The following UCP1 variants were observed in gnomAD, a reference collection of about 807,000 sequenced individuals.
The protein encoded by UCP1 is mitochondrial brown fat uncoupling protein 1.
In UCP1, 24 loss-of-function variants were observed where a neutral mutation model predicts 26.2. The observed-to-expected ratio is 0.92, with a 90% CI of 0.66 to 1.29. The LOEUF (loss-of-function observed/expected upper bound fraction) is 1.29, where lower values mean the gene tolerates loss of function less well. Ranked by LOEUF, UCP1 falls within the 50% of genes most tolerant of loss-of-function variation. The pLI is 0.00. For synonymous variants in UCP1, 164 were observed against 156.8 expected (o/e 1.05, Z -0.34); for missense variants, 402 against 388.7 (o/e 1.03, Z -0.29).
chr4:140,562,382 G>C lies in UCP1; in HGVS notation c.629-9C>G. On this transcript the variant is annotated splice_polypyrimidine_tract_variant and intron_variant, in intron 4 of 5. Transcript: ENST00000262999. ...GTGGCAGGGGACGTCATCTAAAATG[G>C]ATCGATGAAACAGGTCAACATCAGA... 1 of 1,613,782 alleles carries C rather than the reference G, an allele frequency of 6.2e-7. No homozygotes were observed. Among genetic ancestry groups the C allele is most frequent in the Non-Finnish European group, 8.5e-7 (1 of 1,179,918 alleles).
Position 140,568,587 on chromosome 4 carries a change from C to G in UCP1, c.126+17G>C. 2 of 1,613,684 alleles carry G rather than the reference C, an allele frequency of 1.2e-6. No individual in the cohort carries two copies. Among genetic ancestry groups the G allele is most frequent in the Non-Finnish European group, 1.7e-6 (2 of 1,179,920 alleles). On this transcript the variant is annotated intron_variant, in intron 1 of 5. Transcript: ENST00000262999. Reference sequence around the variant, plus strand: ...CTCTGTCCTGAGACCCCTTGTCTTACCCCTCTGCCTAGCTACCTGGAGCCG... The same window carrying G: ...CTCTGTCCTGAGACCCCTTGTCTTAGCCCTCTGCCTAGCTACCTGGAGCCG...
In UCP1 at chr4:140,563,530, GAAA is replaced by G; in HGVS notation, c.326-15_326-13del. On this transcript the variant is annotated splice_polypyrimidine_tract_variant and intron_variant, in intron 2 of 5. Transcript: ENST00000262999. ...TAAACTAGGTGCTGCTATCCAGAGA[GAAA>G]AAAAATTATTAAGAAAAAAAATTAA... The G allele has an allele frequency of 6.2e-7, 1 of 1,605,150 alleles. No homozygotes were observed. Among genetic ancestry groups the G allele is most frequent in the Middle Eastern group, 1.7e-4 (1 of 6,016 alleles).
rs891289240 is a variant in UCP1 at position 140,563,593 on chromosome 4, A to G, written c.326-75T>C. On this transcript the variant is annotated intron_variant, in intron 2 of 5. Coordinates refer to ENST00000262999, the MANE Select transcript of UCP1 (RefSeq NM_021833.5). ...ATGCATGCATGTCTTTTTAATTTTC[A>G]GTGGTTCATATTTTTGTATTTTTTT... 4 of 1,365,022 alleles carry G rather than the reference A, an allele frequency of 2.9e-6. No homozygotes were observed. In the African/African-American group the frequency reaches 6.0e-5, roughly 20 times the overall value. The allele number at this position is 1,365,022 out of a possible 1,614,324, so 84.6% of individuals were successfully genotyped here.
At position 140,568,708 on chromosome 4, in the gene UCP1, C is replaced by T; in HGVS notation, c.22G>A (p.Asp8Asn). MGGLTAS[D>N]VHPTLGVQLF... ...TGGACCCCCAGGGTCGGGTGTACGTCCGAGGCTGTCAGGCCCCCCATCTTC... is the reference window on the plus strand; with the variant it reads ...TGGACCCCCAGGGTCGGGTGTACGTTCGAGGCTGTCAGGCCCCCCATCTTC... The change falls in exon 1 of 6, where the codon GAC becomes AAC. Residue 8 changes from aspartate (D) to asparagine (N), a missense_variant. Transcript: ENST00000262999. The T allele has an allele frequency of 3.8e-6, 6 of 1,598,888 alleles. No individual in the cohort carries two copies. The South Asian group carries it at 4.5e-5, about 12-fold the overall frequency.
In UCP1 at chr4:140,559,473, C is replaced by T. The variant is rs892366247; in HGVS notation, c.*423G>A. ...ATACTTTATTGAATATATTAACTGA[C>T]AACTGTGGTTAATAAAAACTAATAT... On this transcript the variant is annotated 3_prime_UTR_variant, in exon 6 of 6. Coordinates refer to ENST00000262999, the MANE Select transcript of UCP1 (RefSeq NM_021833.5). The T allele has an allele frequency of 7.6e-5, 14 of 183,928 alleles. No individual in the cohort carries two copies. The East Asian group carries it at 2.3e-3, about 30-fold the overall frequency. 11.4% of individuals were successfully genotyped at this position (183,928 alleles called of 1,614,324 possible). A position where few individuals can be genotyped will look rare whatever the true frequency, so the allele number is the denominator to read the frequency against.
At chr4:140,561,789 T>G (rs1244330552) in intron 5 of UCP1, among the ~76,000 whole-genome samples, 4 of 152,214 alleles carry the variant, frequency 2.6e-5, no homozygotes, top group African/African-American at 4.8e-5. Context: ...GGTGGTGATG[T>G]CTTATCTCTA....
chr4:140,563,403 G>T lies in UCP1; in HGVS notation c.441C>A (p.Leu147=), dbSNP rs1293474686. Residue 147 remains leucine, a synonymous_variant, in exon 3 of 6, where the codon CTC becomes CTA. Coordinates refer to ENST00000262999, the MANE Select transcript of UCP1 (RefSeq NM_021833.5). ...VKVRLQAQSH[L]HGIKPRYTGT... is the part of the protein sequence containing the mutation. ...CCGTGTAGCGAGGTTTGATTCCGTG[G>T]AGATGGCTCTGTGCTTGAAGTCTGA... The T allele has an allele frequency of 6.2e-7, 1 of 1,614,034 alleles. No individual in the cohort carries two copies. Among genetic ancestry groups the T allele is most frequent in the Non-Finnish European group, 8.5e-7 (1 of 1,179,994 alleles).
At chr4:140,560,536 G>A (rs1387107626) in intron 5 of UCP1, among the ~76,000 whole-genome samples, 1 of 152,094 alleles carries the variant, frequency 6.6e-6, no homozygotes, top group African/African-American at 2.4e-5. Flanking sequence ...ACTATTAGAA[G>A]GGGGAAGGAA....
chr4:140,562,523 A>G, intron 4 of UCP1, 150 bp from the exon 5 acceptor site: 1 of 860,490 alleles, frequency 1.2e-6, no homozygotes, highest in Non-Finnish European at 1.8e-6. Flanking sequence ...GTATTGCACT[A>G]GAAAAAGAAG....
chr4:140,561,073 T>A (rs2110905410), intron 5 of UCP1, among the ~76,000 whole-genome samples: 1 of 152,312 alleles, frequency 6.6e-6, no homozygotes, highest in South Asian at 2.1e-4. Context: ...TTTTTAAATT[T>A]GAAAAAAATA....
Position 140,562,353 on chromosome 4 carries a change from C to G in UCP1, c.649G>C (p.Val217Leu). ...CAAAATCCAGCGATAAGAGCCGACA[C>G]CAAGTGGCAGGGGACGTCATCTAAA... Reference protein sequence around the residue: ...ILADDVPCHLVSALIAGFCAT... With the variant: ...ILADDVPCHLLSALIAGFCAT... Residue 217 changes from valine to leucine, a missense_variant, in exon 5 of 6, where the codon GTG becomes CTG. Physicochemically the swap from Val to Leu is conservative, Grantham distance 32 (BLOSUM62 1). Transcript: ENST00000262999. 6.2e-7 allele frequency: 1 copy of G among 1,614,074 alleles called. No homozygotes were observed. Among genetic ancestry groups the G allele is most frequent in the South Asian group, 1.1e-5 (1 of 91,078 alleles).
intron 5 of UCP1, 92 bp from the exon 6 acceptor site, chr4:140,560,102 G>C: frequency 9.6e-7 from 1 of 1,046,274 alleles, no homozygotes; most frequent in African/African-American, 1.6e-5. Flanking sequence ...GCCCAGGCTG[G>C]AATGCAGTAG....
At chr4:140,565,220 C>G (rs1362416840) in intron 2 of UCP1, among the ~76,000 whole-genome samples, 1 of 152,176 alleles carries the variant, frequency 6.6e-6, no homozygotes, top group African/African-American at 2.4e-5. Flanking sequence ...TCTATACATC[C>G]TCTCTCAATA....
Position 140,568,824 on chromosome 4 carries a change from C to T in UCP1, c.-95G>A. The T allele has an allele frequency of 1.3e-6, 2 of 1,523,112 alleles. No homozygotes were observed. The highest frequency in any genetic ancestry group is 1.8e-6 in the Non-Finnish European group (2 of 1,136,246). The allele number at this position is 1,523,112 out of a possible 1,614,324, so 94.3% of individuals were successfully genotyped here. On this transcript the variant is annotated 5_prime_UTR_variant, in exon 1 of 6. Coordinates refer to ENST00000262999, the MANE Select transcript of UCP1 (RefSeq NM_021833.5). ...TTGCTCTTCACGCCTGTCCGCCGGG[C>T]AGCAAACCCGATTTCTGTTTTTTGA...
intron 5 of UCP1, among the ~76,000 whole-genome samples, 191 bp from the exon 6 acceptor site, chr4:140,560,201 C>T (rs1019369699): frequency 6.6e-6 from 1 of 152,046 alleles, no homozygotes; most frequent in Non-Finnish European, 1.5e-5. Context: ...CTAGAGACTG[C>T]ACCACCACAC....
intron 4 of UCP1, among the ~76,000 whole-genome samples, chr4:140,562,582 CTGTT>C (rs1735702163): frequency 6.6e-6 from 1 of 152,022 alleles, no homozygotes; most frequent in Non-Finnish European, 1.5e-5. Context: ...GGAAAGTAAA[CTGTT>C]AGTTTCCTCT....
In UCP1 at chr4:140,563,513, G is replaced by A; in HGVS notation, c.331C>T (p.Pro111Ser). The A allele has an allele frequency of 6.2e-7, 1 of 1,613,658 alleles. No homozygotes were observed. Among genetic ancestry groups the A allele is most frequent in the Non-Finnish European group, 8.5e-7 (1 of 1,179,958 alleles). ...EFLTAGKETA[P>S]SLGSKILAGL... ...GCTAAAATCTTGCTTCCTAAACTAG[G>A]TGCTGCTATCCAGAGAGAAAAAAAA... The change falls in exon 3 of 6, where the codon CCT becomes TCT. Residue 111 changes from proline to serine, a missense_variant. Physicochemically the swap from Pro to Ser is moderately conservative, Grantham distance 74. Coordinates refer to ENST00000262999, the MANE Select transcript of UCP1 (RefSeq NM_021833.5).
chr4:140,568,471 G>C (rs1416492827), intron 1 of UCP1, 133 bp downstream of exon 1: 2 of 1,463,948 alleles, frequency 1.4e-6, no homozygotes, highest in Admixed American at 2.0e-5. Context: ...CCTGGGACAA[G>C]GCCAGACTGC....
intron 2 of UCP1, among the ~76,000 whole-genome samples, chr4:140,565,213 A>G (rs893873900): frequency 2.0e-5 from 3 of 152,128 alleles, no homozygotes; most frequent in Non-Finnish European, 4.4e-5. Flanking sequence ...GACAGCTTCT[A>G]TACATCCTCT....
Sources: allele counts gnomAD v4.1 joint callset (sites outside exome capture counted in the v4.1 genomes callset), GRCh38; gene constraint gnomAD v4.1.1; transcripts MANE v1.5; gene names NCBI Gene and HGNC (gene_info 2026-07-23, HGNC 2026-07-21).